Variants in PLXDC1 observed in about 807,000 individuals in gnomAD.
PLXDC1 encodes the protein plexin domain-containing protein 1.
PLXDC1 carries 39 observed loss-of-function variants against 61.3 expected under a neutral mutation model. The observed-to-expected ratio is 0.64, with a 90% CI of 0.49 to 0.83. The LOEUF (loss-of-function observed/expected upper bound fraction) is 0.83. Ranked by LOEUF, PLXDC1 falls within the 40% of genes least tolerant of loss-of-function variation. The pLI is 0.00. For missense variants in PLXDC1, 596 were observed against 666.5 expected, an observed-to-expected ratio of 0.89 and a Z score of 1.17; for synonymous variants, 212 against 254.5, an observed-to-expected ratio of 0.83 and a Z score of 1.59.
intron 7 of PLXDC1, among the ~76,000 whole-genome samples, chr17:39,095,292 AC>A (rs1269333607): frequency 2.7e-5 from 4 of 150,626 alleles, no homozygotes; most frequent in Non-Finnish European, 5.9e-5. Flanking sequence ...GCTCACTTCA[AC>A]TGCCAGCTTG....
intron 2 of PLXDC1, among the ~76,000 whole-genome samples, chr17:39,139,024 G>A (rs1391164895): frequency 6.6e-6 from 1 of 151,934 alleles, no homozygotes; most frequent in African/African-American, 2.4e-5. Flanking sequence ...TCCCAGAAAC[G>A]CACAATTATA....
At position 39,065,460 on chromosome 17, in the gene PLXDC1, A is replaced by G. The variant is rs1908859999; in HGVS notation, c.*2380T>C. On this transcript the variant is annotated 3_prime_UTR_variant, in exon 14 of 14. Coordinates refer to ENST00000315392, the MANE Select transcript of PLXDC1 (RefSeq NM_020405.5). The stretch of plus-strand genomic sequence containing the variant: ...GTCACCCAGGCTGGAGTACAGTGGC[A>G]TGATTATGACCCCCCACTGCAGCCT... 7.2e-6 allele frequency: 1 copy of G among 139,416 alleles called. No homozygotes were observed. The highest frequency in any genetic ancestry group is 1.5e-5 in the Non-Finnish European group (1 of 66,334). 8.6% of individuals were successfully genotyped at this position (139,416 alleles called of 1,614,324 possible). A position where few individuals can be genotyped will look rare whatever the true frequency, so the allele number is the denominator to read the frequency against.
chr17:39,152,717 A>T, upstream of PLXDC1: 1 of 1,230,634 alleles, frequency 8.1e-7, no homozygotes. Flanking sequence ...ATGGGCGGGG[A>T]CAGGAGAAGG....
At chr17:39,116,453 G>A (rs945144549) in intron 2 of PLXDC1, among the ~76,000 whole-genome samples, 6 of 152,214 alleles carry the variant, frequency 3.9e-5, no homozygotes, top group African/African-American at 1.4e-4. Flanking sequence ...TCAAGACTGT[G>A]CTGAGAATGT....
Position 39,065,302 on chromosome 17 carries a change from G to A in PLXDC1, c.*2538C>T, listed in dbSNP as rs547402728. On this transcript the variant is annotated 3_prime_UTR_variant, in exon 14 of 14. Transcript: ENST00000315392. ...TGGATTTCTTAAGCCAAAACACTTG[G>A]ACAAAGTCTCCCAAAAAAATAGAAC... 6.6e-6 allele frequency: 1 copy of A among 151,766 alleles called. No homozygotes were observed. Among genetic ancestry groups the A allele is most frequent in the East Asian group, 1.9e-4 (1 of 5,180 alleles). 9.4% of individuals were successfully genotyped at this position (151,766 alleles called of 1,614,324 possible). A position where few individuals can be genotyped will look rare whatever the true frequency, so the allele number is the denominator to read the frequency against.
At chr17:39,101,874 G>A (rs1910432322) in intron 7 of PLXDC1, among the ~76,000 whole-genome samples, 1 of 152,176 alleles carries the variant, frequency 6.6e-6, no homozygotes, top group African/African-American at 2.4e-5. Context: ...TCTAGCGGCT[G>A]GCCCTACCGA....
At position 39,069,894 on chromosome 17, in the gene PLXDC1, C is replaced by T; in HGVS notation, c.1345G>A (p.Gly449Ser). The change falls in exon 13 of 14, where the codon GGC (glycine) becomes AGC (serine). Residue 449 changes from glycine to serine, a missense_variant. Gly to Ser is a moderately conservative substitution (Grantham distance 56, BLOSUM62 0). Transcript: ENST00000315392. The stretch of plus-strand genomic sequence containing the variant: ...AGCGCAGCATTGGATGTGGGGTGGC[C>T]ATTGATGTAAATTCCAGCCAGGATG... Reference protein sequence around the residue: ...AIILAGIYINGHPTSNAALFF... With the variant: ...AIILAGIYINSHPTSNAALFF... The T allele has an allele frequency of 1.2e-6, 2 of 1,613,970 alleles. No individual in the cohort carries two copies. Among genetic ancestry groups the T allele is most frequent in the South Asian group, 2.2e-5 (2 of 91,058 alleles).
intron 2 of PLXDC1, among the ~76,000 whole-genome samples, chr17:39,128,026 T>G (rs2143830573): frequency 7.1e-6 from 1 of 139,984 alleles, no homozygotes; most frequent in South Asian, 2.3e-4. Flanking sequence ...GAAGTACCAC[T>G]TCATACCCAC....
intron 2 of PLXDC1, among the ~76,000 whole-genome samples, chr17:39,123,906 G>C (rs1221317372): frequency 6.6e-6 from 1 of 152,146 alleles, no homozygotes; most frequent in Non-Finnish European, 1.5e-5. Context: ...AGGGCTGCTA[G>C]AGAGGCTTGG....
At chr17:39,091,958 CAAAAAAAA>C (rs71141756) in intron 7 of PLXDC1, among the ~76,000 whole-genome samples, 3 of 105,364 alleles carry the variant, frequency 2.8e-5, no homozygotes, top group African/African-American at 7.2e-5. Context: ...GACTCTATCT[CAAAAAAAA>C]AAAAAAAAAA....
chr17:39,138,823 C>T (rs775900255), intron 2 of PLXDC1, among the ~76,000 whole-genome samples: 2 of 151,718 alleles, frequency 1.3e-5, no homozygotes, highest in Non-Finnish European at 2.9e-5. Context: ...TTGCTTCTTG[C>T]GTCCTAAGAA....
Position 39,109,373 on chromosome 17 carries a change from A to G in PLXDC1, c.274T>C (p.Tyr92His). Residue 92 changes from tyrosine to histidine, a missense_variant, in exon 3 of 14, where the codon TAT (tyrosine) becomes CAT (histidine). By Grantham distance (83) the Tyr-to-His change is moderately conservative. Transcript: ENST00000315392. ...TRVVEDNHSYYVSRLYGPSEP... is the reference protein window; with the variant it reads ...TRVVEDNHSYHVSRLYGPSEP... ...CTGGGGCCATAGAGACGGGACACAT[A>G]ATAGCTGTGGTTGTCCTCCTGCCGG... 2 of 1,598,868 alleles carry G rather than the reference A, an allele frequency of 1.3e-6. No homozygotes were observed. The highest frequency in any genetic ancestry group is 1.7e-6 in the Non-Finnish European group (2 of 1,173,684).
chr17:39,122,420 T>C (rs1171134966), intron 2 of PLXDC1, among the ~76,000 whole-genome samples: 5 of 142,150 alleles, frequency 3.5e-5, no homozygotes, highest in African/African-American at 1.3e-4. Flanking sequence ...GGGTGCCCTC[T>C]CTCTGCCTGG....
intron 2 of PLXDC1, among the ~76,000 whole-genome samples, chr17:39,133,367 CAT>C (rs1805568797): frequency 6.6e-6 from 1 of 152,106 alleles, no homozygotes; most frequent in Non-Finnish European, 1.5e-5. Context: ...GACATTCTCT[CAT>C]GTGTGTGGGA....
intron 7 of PLXDC1, among the ~76,000 whole-genome samples, chr17:39,103,866 T>C (rs1362266560): frequency 2.4e-5 from 3 of 123,880 alleles, no homozygotes; most frequent in Admixed American, 8.0e-5. Flanking sequence ...AAAAAAAGAA[T>C]AGTAATTCAT....
chr17:39,116,173 A>G (rs1259567960), intron 2 of PLXDC1, among the ~76,000 whole-genome samples: 1 of 152,148 alleles, frequency 6.6e-6, no homozygotes, highest in East Asian at 1.9e-4. Context: ...GGTCAGTTCC[A>G]CTCAAAGACA....
chr17:39,086,974 G>A (rs1370228050), intron 8 of PLXDC1, among the ~76,000 whole-genome samples: 1 of 151,790 alleles, frequency 6.6e-6, no homozygotes, highest in Non-Finnish European at 1.5e-5. Flanking sequence ...AGGAAATGAA[G>A]ACCTTCATAA....
intron 11 of PLXDC1, 125 bp downstream of exon 11, chr17:39,077,788 A>G: frequency 1.2e-6 from 1 of 853,430 alleles, no homozygotes; most frequent in South Asian, 1.7e-5. Flanking sequence ...CCTTAGCTAT[A>G]AAAGGATGGG....
intron 1 of PLXDC1, among the ~76,000 whole-genome samples, chr17:39,146,363 G>A (rs1382734925): frequency 2.0e-5 from 3 of 151,256 alleles, no homozygotes; most frequent in Non-Finnish European, 2.9e-5. Context: ...GAGCCACCAC[G>A]CCTGGCCAGC....
Sources: allele counts gnomAD v4.1 joint callset (sites outside exome capture counted in the v4.1 genomes callset), GRCh38; gene constraint gnomAD v4.1.1; transcripts MANE v1.5; gene names NCBI Gene and HGNC (gene_info 2026-07-23, HGNC 2026-07-21).